The following A2M variants were observed in gnomAD, a reference collection of about 807,000 sequenced individuals.
The protein encoded by A2M is C3 and PZP-like alpha-2-macroglobulin domain-containing protein 5.
A neutral mutation model predicts 183.9 loss-of-function variants in A2M; 128 were observed. That is an observed-to-expected ratio of 0.70 (90% CI 0.60 to 0.81). The LOEUF (loss-of-function observed/expected upper bound fraction) is 0.81, where lower values mean the gene tolerates loss of function less well. Ranked by LOEUF, A2M falls within the 30% of genes least tolerant of loss-of-function variation. The pLI, the probability that A2M is intolerant of heterozygous loss-of-function variation, is 0.00. For synonymous variants in A2M, 592 were observed against 670.8 expected (o/e 0.88, Z 1.81); for missense variants, 1,495 against 1,787.6 (o/e 0.84, Z 2.95).
intron 10 of A2M, 150 bp from the exon 11 acceptor site, chr12:9,104,550 C>T: frequency 4.1e-6 from 3 of 726,046 alleles, no homozygotes; most frequent in Non-Finnish European, 6.6e-6. Flanking sequence ...AAGTTTCTTC[C>T]ATCACAGAGC....
intron 11 of A2M, among the ~76,000 whole-genome samples, chr12:9,103,402 A>G (rs1938036255): frequency 6.6e-6 from 1 of 152,128 alleles, no homozygotes; most frequent in Non-Finnish European, 1.5e-5. Flanking sequence ...CACACTTTTC[A>G]AAAAAGTTAT....
At chr12:9,116,116 G>C (rs1049107488), upstream of A2M, 5 of 431,564 alleles carry the variant, frequency 1.2e-5, no homozygotes, top group East Asian at 5.1e-5. Context: ...TCCCATTCCC[G>C]TAAGAGCTCA....
At chr12:9,096,193 G>C (rs1949376650) in intron 15 of A2M, among the ~76,000 whole-genome samples, 1 of 152,184 alleles carries the variant, frequency 6.6e-6, no homozygotes, top group Non-Finnish European at 1.5e-5. Context: ...TCATTTTGAA[G>C]ATGTTTAACA....
At chr12:9,097,955 T>G (rs1163990728) in intron 15 of A2M, among the ~76,000 whole-genome samples, 1 of 152,228 alleles carries the variant, frequency 6.6e-6, no homozygotes, top group Non-Finnish European at 1.5e-5. Context: ...AACGGAAATC[T>G]GATATTTCAT....
Position 9,068,785 on chromosome 12 carries a change from C to A in A2M, c.4321G>T (p.Asp1441Tyr). Residue 1441 changes from aspartate (D) to tyrosine (Y), a missense_variant, in exon 34 of 36, where the codon GAT becomes TAT. Coordinates refer to ENST00000318602, the MANE Select transcript of A2M (RefSeq NM_000014.6). ...ACTTTCACTATGGCTGGTTTCAGAT[C>A]TCTTACTGGGACATCTTGCAGAACC... Reference protein sequence around the residue: ...FTVLQDVPVRDLKPAIVKVYD... With the variant: ...FTVLQDVPVRYLKPAIVKVYD... 1 of 1,609,388 alleles carries A rather than the reference C, an allele frequency of 6.2e-7. No homozygotes were observed. Among genetic ancestry groups the A allele is most frequent in the Non-Finnish European group, 8.5e-7 (1 of 1,177,896 alleles).
At chr12:9,073,607 C>T (rs965792909) in intron 29 of A2M, among the ~76,000 whole-genome samples, 2 of 152,006 alleles carry the variant, frequency 1.3e-5, no homozygotes, top group Admixed American at 6.6e-5. Flanking sequence ...GGATGGAATG[C>T]CATTTTGTCA....
chr12:9,108,854 C>T (rs989458876), intron 7 of A2M, among the ~76,000 whole-genome samples: 7 of 152,196 alleles, frequency 4.6e-5, no homozygotes, highest in African/African-American at 1.4e-4. Flanking sequence ...AGTTGTATGC[C>T]TATCTCTACA....
At chr12:9,086,039 G>A (rs755119604) in intron 22 of A2M, among the ~76,000 whole-genome samples, 3 of 152,082 alleles carry the variant, frequency 2.0e-5, no homozygotes, top group Non-Finnish European at 4.4e-5. Flanking sequence ...ATAACTGTTG[G>A]CTTCACTGCT....
Position 9,112,015 on chromosome 12 carries a change from T to G in A2M, c.483+144A>C, listed in dbSNP as rs765513577. The G allele has an allele frequency of 1.6e-5, 13 of 828,072 alleles. No homozygotes were observed. The East Asian group carries it at 2.9e-4, about 19-fold the overall frequency. 51.3% of individuals were successfully genotyped at this position (828,072 alleles called of 1,614,324 possible). A position where few individuals can be genotyped will look rare whatever the true frequency, so the allele number is the denominator to read the frequency against. On this transcript the variant is annotated intron_variant, in intron 4 of 35. Coordinates refer to ENST00000318602, the MANE Select transcript of A2M (RefSeq NM_000014.6). ...TCTTTACCTGGAATGATGTTTTAGA[T>G]TAGGATCTTGTGCTGTTGTAATGCC...
At position 9,101,134 on chromosome 12, in the gene A2M, A is replaced by G; in HGVS notation, c.1558+10T>C. On this transcript the variant is annotated intron_variant, in intron 13 of 35. Coordinates refer to ENST00000318602, the MANE Select transcript of A2M (RefSeq NM_000014.6). ...TGGGGCAGCAATGCAGAGATGATGG[A>G]AATACTCACTGTCTTCCTGCTTCAC... The G allele has an allele frequency of 6.4e-7, 1 of 1,556,982 alleles. No homozygotes were observed. The highest frequency in any genetic ancestry group is 8.7e-7 in the Non-Finnish European group (1 of 1,149,568).
chr12:9,096,621 A>C (rs986206959), intron 15 of A2M, among the ~76,000 whole-genome samples: 3 of 152,240 alleles, frequency 2.0e-5, no homozygotes, highest in Admixed American at 6.5e-5. Context: ...GGTGAGAAGT[A>C]AGACAGACAT....
chr12:9,096,428 A>G (rs1333639753), intron 15 of A2M, among the ~76,000 whole-genome samples: 1 of 152,236 alleles, frequency 6.6e-6, no homozygotes, highest in Non-Finnish European at 1.5e-5. Context: ...CTGACTCAGT[A>G]TATAGCAAAG....
intron 15 of A2M, among the ~76,000 whole-genome samples, chr12:9,096,143 A>G (rs1337838291): frequency 2.0e-5 from 3 of 152,174 alleles, no homozygotes; most frequent in Non-Finnish European, 4.4e-5. Context: ...TGCTTTGATG[A>G]TTTATAGAGG....
At chr12:9,092,439 G>A (rs538155737) in intron 18 of A2M, among the ~76,000 whole-genome samples, 3 of 151,954 alleles carry the variant, frequency 2.0e-5, no homozygotes, top group Non-Finnish European at 4.4e-5. Context: ...TCAATACAGA[G>A]AGAACAGGCA....
chr12:9,095,294 ATTTTAATAAACATCACAGAG>A (rs1303318355), intron 16 of A2M, among the ~76,000 whole-genome samples: 2 of 152,310 alleles, frequency 1.3e-5, no homozygotes, highest in African/African-American at 4.8e-5. Context: ...TGTATATGTG[ATTTTAATAAACATCACAGAG>A]CAATTAATTC....
rs754275968 is a variant in A2M at position 9,075,368 on chromosome 12, A to G, written c.3533-585T>C. Among the ~76,000 whole-genome samples the G allele has an allele frequency of 8.3e-4, 127 of 152,348 alleles. 1 individual carries two copies. The highest frequency in any genetic ancestry group is 2.9e-3 in the African/African-American group (122 of 41,586). ...AATCAGTCATTATGCTTCTCAAAGC[A>G]TAATTTGGAGAAACACAGATGCACA... On this transcript the variant is annotated intron_variant, in intron 28 of 35. Transcript: ENST00000318602.
At chr12:9,099,591 A>C in intron 13 of A2M, 68 bp from the exon 14 acceptor site, 1 of 1,513,828 alleles carries the variant, frequency 6.6e-7, no homozygotes, top group Non-Finnish European at 8.9e-7. Flanking sequence ...TAGATGTAAC[A>C]GACATAATAA....
At chr12:9,112,711 G>T in intron 2 of A2M, 175 bp from the exon 3 acceptor site, 2 of 632,292 alleles carry the variant, frequency 3.2e-6, no homozygotes, top group Non-Finnish European at 5.5e-6. Context: ...CAAATGGGGA[G>T]ACAGGACACA....
chr12:9,072,994 G>C (rs1214938667), intron 29 of A2M, 123 bp from the exon 30 acceptor site: 1 of 680,074 alleles, frequency 1.5e-6, no homozygotes, highest in African/African-American at 1.8e-5. Context: ...TTAAATATAG[G>C]AGCTGTAATT....
Sources: gnomAD v4.1 joint callset for allele counts (sites outside exome capture counted in the v4.1 genomes callset) on GRCh38, gnomAD v4.1.1 for gene constraint, MANE v1.5 for transcripts, NCBI Gene and HGNC (gene_info 2026-07-23, HGNC 2026-07-21) for gene names.